RBFOX1: variants seen among roughly 807,000 people sequenced by gnomAD.
RBFOX1 encodes the protein RNA binding protein fox-1 homolog 1.
In RBFOX1, 8 loss-of-function variants were observed where a neutral mutation model predicts 57.7. The ratio of observed to expected loss-of-function variants is 0.14; its 90% confidence interval spans 0.08 to 0.25. The LOEUF is 0.25. Among genes scored for constraint, RBFOX1 ranks in the 10% least tolerant of loss-of-function variants. The probability of loss-of-function intolerance (pLI) is 1.00; values close to 1 mark genes in which losing one functional copy is unlikely to be tolerated. For missense variants in RBFOX1, 611 were observed against 548.5 expected (o/e 1.11, Z -1.14); for synonymous variants, 326 against 222.4 (o/e 1.47, Z -4.15).
chr16:6,893,383 AG>A (rs1256510246), intron 3 of RBFOX1, among the ~76,000 whole-genome samples: 1 of 152,188 alleles, frequency 6.6e-6, no homozygotes, highest in African/African-American at 2.4e-5. Flanking sequence ...GATAAAAAGA[AG>A]GCTTTCTTTA....
intron 2 of RBFOX1, among the ~76,000 whole-genome samples, chr16:6,357,818 G>C (rs2087649502): frequency 6.6e-6 from 1 of 152,046 alleles, no homozygotes; most frequent in African/African-American, 2.4e-5. Flanking sequence ...GGGCGTGGTG[G>C]TGGGTGCCTG....
At chr16:6,869,135 T>C (rs1002297124) in intron 3 of RBFOX1, among the ~76,000 whole-genome samples, 12 of 152,248 alleles carry the variant, frequency 7.9e-5, no homozygotes, top group Admixed American at 3.3e-4. Context: ...TACTGGCTTA[T>C]GCATCTTGCC....
intron 3 of RBFOX1, among the ~76,000 whole-genome samples, chr16:6,946,868 C>G (rs1315236049): frequency 6.6e-6 from 1 of 152,128 alleles, no homozygotes; most frequent in Non-Finnish European, 1.5e-5. Context: ...CTTGGCCTCC[C>G]CAAGTGCTGG....
intron 13 of RBFOX1, 28 bp from the exon 14 acceptor site, chr16:7,676,746 C>T (rs1176520852): frequency 1.2e-6 from 2 of 1,600,140 alleles, no homozygotes; most frequent in African/African-American, 1.3e-5. Flanking sequence ...CGCTACATTC[C>T]TGAGTCACAT....
At chr16:5,968,940 C>T (rs1455784090) in intron 4 of RBFOX1, among the ~76,000 whole-genome samples, 1 of 152,086 alleles carries the variant, frequency 6.6e-6, no homozygotes, top group African/African-American at 2.4e-5. Context: ...TTCACCTTTG[C>T]TGAGAGGACT....
chr16:6,301,373 T>C (rs1309092689), intron 1 of RBFOX1, among the ~76,000 whole-genome samples: 1 of 152,170 alleles, frequency 6.6e-6, no homozygotes, highest in African/African-American at 2.4e-5. Context: ...GATTTTGCCT[T>C]ATTAGGATTA....
chr16:7,608,037 A>ATGT (rs2056692266), intron 10 of RBFOX1, among the ~76,000 whole-genome samples: 1 of 152,188 alleles, frequency 6.6e-6, no homozygotes, highest in Non-Finnish European at 1.5e-5. Flanking sequence ...GCCCGTCACT[A>ATGT]CTGCCTGTAT....
chr16:6,410,511 C>T (rs1321378721), intron 2 of RBFOX1, among the ~76,000 whole-genome samples: 6 of 151,850 alleles, frequency 4.0e-5, no homozygotes, highest in Non-Finnish European at 8.8e-5. Flanking sequence ...CGGGGTTTCA[C>T]CGTGTTAGCC....
At chr16:7,507,131 A>G (rs1032653443) in intron 4 of RBFOX1, among the ~76,000 whole-genome samples, 4 of 152,230 alleles carry the variant, frequency 2.6e-5, no homozygotes, top group South Asian at 4.1e-4. Context: ...TGATGCCTCA[A>G]TATTTGACTT....
At chr16:5,594,694 A>G (rs969558280) in intron 2 of RBFOX1, among the ~76,000 whole-genome samples, 1 of 152,158 alleles carries the variant, frequency 6.6e-6, no homozygotes, top group African/African-American at 2.4e-5. Context: ...CATTTATGTC[A>G]TTGAGCAGAG....
At chr16:7,210,498 A>G (rs899441513) in intron 4 of RBFOX1, among the ~76,000 whole-genome samples, 5 of 152,210 alleles carry the variant, frequency 3.3e-5, no homozygotes, top group Non-Finnish European at 5.9e-5. Flanking sequence ...GGTGTTATTC[A>G]TATCTATAAA....
At chr16:6,208,833 T>C (rs1052877127) in intron 1 of RBFOX1, among the ~76,000 whole-genome samples, 1 of 152,162 alleles carries the variant, frequency 6.6e-6, no homozygotes, top group African/African-American at 2.4e-5. Flanking sequence ...TGTCTTCGCA[T>C]GAGGTATAGC....
chr16:6,070,762 C>G (rs774978034), intron 1 of RBFOX1, among the ~76,000 whole-genome samples: 2 of 151,888 alleles, frequency 1.3e-5, no homozygotes, highest in African/African-American at 4.8e-5. Flanking sequence ...TTTTTGTCCT[C>G]TAGTTTCCCC....
intron 1 of RBFOX1, among the ~76,000 whole-genome samples, chr16:6,292,150 C>CTTGGGAGGATGAG (rs2077535978): frequency 6.6e-6 from 1 of 152,146 alleles, no homozygotes; most frequent in Admixed American, 6.6e-5. Context: ...GTCCTAGCTA[C>CTTGGGAGGATGAG]TTGGGAGGAT....
chr16:7,092,069 T>C (rs1228340119), intron 4 of RBFOX1, among the ~76,000 whole-genome samples: 1 of 152,216 alleles, frequency 6.6e-6, no homozygotes, highest in African/African-American at 2.4e-5. Flanking sequence ...ACCTAAGATA[T>C]ATGCTGGAAC....
At chr16:5,266,033 A>G (rs1158722317) in intron 1 of RBFOX1, among the ~76,000 whole-genome samples, 2 of 141,578 alleles carry the variant, frequency 1.4e-5, no homozygotes, top group African/African-American at 2.7e-5. Flanking sequence ...CTCTAAAGGC[A>G]CCAGGCTGAT....
At chr16:5,316,356 A>T (rs1474526249) in intron 1 of RBFOX1, among the ~76,000 whole-genome samples, 1 of 152,168 alleles carries the variant, frequency 6.6e-6, no homozygotes, top group Non-Finnish European at 1.5e-5. Flanking sequence ...TCTTTGCTCA[A>T]CTGTGTGCCT....
intron 3 of RBFOX1, among the ~76,000 whole-genome samples, chr16:6,914,796 C>G (rs12932456): frequency 0.21 from 32,535 of 152,096 alleles, 3,557 homozygotes; most frequent in South Asian, 0.26. Flanking sequence ...GCAGAAACAA[C>G]AAGATCGCTG....
chr16:6,011,251 T>A (rs1271048739), intron 4 of RBFOX1, among the ~76,000 whole-genome samples: 2 of 152,172 alleles, frequency 1.3e-5, no homozygotes, highest in African/African-American at 2.4e-5. Flanking sequence ...GACTCGCAAC[T>A]TTTTTTGCCT....
Sources: allele counts gnomAD v4.1 joint callset (sites outside exome capture counted in the v4.1 genomes callset), GRCh38; gene constraint gnomAD v4.1.1; transcripts MANE v1.5; gene names NCBI Gene and HGNC (gene_info 2026-07-23, HGNC 2026-07-21).